MUC13: variants seen among roughly 807,000 people sequenced by gnomAD.
The protein encoded by MUC13 is mucin 13, cell surface associated.
Under a neutral mutation model 48.3 loss-of-function variants are expected in MUC13, and 32 were observed. That is an observed-to-expected ratio of 0.66 (90% CI 0.50 to 0.89). The LOEUF (loss-of-function observed/expected upper bound fraction) is 0.89. Among genes scored for constraint, MUC13 ranks in the 40% least tolerant of loss-of-function variants. The pLI is 0.00. For synonymous variants in MUC13, 199 were observed against 224.9 expected, an observed-to-expected ratio of 0.88 and a Z score of 1.03; for missense variants, 571 against 622.8, an observed-to-expected ratio of 0.92 and a Z score of 0.88.
At position 124,917,126 on chromosome 3, in the gene MUC13, G is replaced by GTCTCTC. The variant is rs138692223; in HGVS notation, c.801-652_801-647dup. Among the ~76,000 whole-genome samples, 87 of 149,822 alleles carry GTCTCTC rather than the reference G, an allele frequency of 5.8e-4. 1 individual carries two copies. The East Asian group carries it at 0.015, about 25-fold the overall frequency. On this transcript the variant is annotated intron_variant, in intron 5 of 11. Coordinates refer to ENST00000616727, the MANE Select transcript of MUC13 (RefSeq NM_033049.4). ...CTGCCATGAGCAAGACATTGTCACT[G>GTCTCTC]TCTCTCTCTCTCTCTCTCTAATCAG... is the stretch of plus-strand genomic sequence containing the variant.
At position 124,927,790 on chromosome 3, in the gene MUC13, C is replaced by A; in HGVS notation, c.256G>T (p.Ala86Ser). Residue 86 changes from alanine to serine, a missense_variant, in exon 2 of 12, where the codon GCT (alanine) becomes TCT (serine). Ala to Ser is a moderately conservative substitution (Grantham distance 99). Coordinates refer to ENST00000616727, the MANE Select transcript of MUC13 (RefSeq NM_033049.4). ...CTATGTGTACTAATTATGGGGGGAG[C>A]AGGTGTAGGAATTGTGGAGGAACTA... ...THSSSTIPTPAPPIISTHSSS... is the reference protein window; with the variant it reads ...THSSSTIPTPSPPIISTHSSS... 1 of 1,612,372 alleles carries A rather than the reference C, an allele frequency of 6.2e-7. No homozygotes were observed. The highest frequency in any genetic ancestry group is 8.5e-7 in the Non-Finnish European group (1 of 1,179,506).
rs1208039285 is a variant in MUC13 at position 124,927,981 on chromosome 3, C to A, written c.65G>T (p.Gly22Val). 9.0e-6 allele frequency: 14 copies of A among 1,548,132 alleles called. No individual in the cohort carries two copies. The highest frequency in any genetic ancestry group is 1.2e-5 in the Non-Finnish European group (14 of 1,149,714). ...LLSVNTATNQGNSADAVTTTE... is the reference protein window; with the variant it reads ...LLSVNTATNQVNSADAVTTTE... ...GGTTGTTACAGCATCAGCTGAGTTG[C>A]CTTGGTTGGTGGCTGGAGGAACAAA... Residue 22 changes from glycine to valine, a missense_variant, in exon 2 of 12, where the codon GGC becomes GTC. By Grantham distance (109) the Gly-to-Val change is moderately radical (BLOSUM62 -3). Coordinates refer to ENST00000616727, the MANE Select transcript of MUC13 (RefSeq NM_033049.4).
chr3:124,913,691 A>G lies in MUC13; in HGVS notation c.965-10T>C. The G allele has an allele frequency of 6.2e-7, 1 of 1,614,130 alleles. No individual in the cohort carries two copies. The highest frequency in any genetic ancestry group is 2.2e-5 in the East Asian group (1 of 44,886). On this transcript the variant is annotated splice_polypyrimidine_tract_variant and intron_variant, in intron 6 of 11. Transcript: ENST00000616727. ...TCACACCGAAGGGTCACTGAGAAGC[A>G]CAAATAGTTTAAAAATATATTCAGC...
At chr3:124,934,106 C>A (rs1205306983) in intron 1 of MUC13, among the ~76,000 whole-genome samples, 5 of 152,120 alleles carry the variant, frequency 3.3e-5, no homozygotes. Flanking sequence ...TCTTATCTGG[C>A]CTCAGGAACT....
intron 4 of MUC13, among the ~76,000 whole-genome samples, chr3:124,920,799 C>T (rs910782107): frequency 6.6e-6 from 1 of 152,220 alleles, no homozygotes; most frequent in Non-Finnish European, 1.5e-5. Flanking sequence ...GGAAGTAGGA[C>T]CACATTGATG....
At chr3:124,931,815 C>A (rs1394948597) in intron 1 of MUC13, among the ~76,000 whole-genome samples, 11 of 151,862 alleles carry the variant, frequency 7.2e-5, no homozygotes, top group Admixed American at 5.9e-4. Flanking sequence ...GAGGCCAAGG[C>A]GGGCGGATCA....
At chr3:124,917,629 A>T (rs1013096003) in intron 5 of MUC13, among the ~76,000 whole-genome samples, 2 of 152,090 alleles carry the variant, frequency 1.3e-5, no homozygotes, top group African/African-American at 4.8e-5. Flanking sequence ...CCAAAACATG[A>T]ATCAAATTCC....
chr3:124,920,915 T>C (rs1243627746), intron 4 of MUC13, among the ~76,000 whole-genome samples: 1 of 152,202 alleles, frequency 6.6e-6, no homozygotes, highest in Non-Finnish European at 1.5e-5. Flanking sequence ...AGAGGTGACA[T>C]GGCAAAGGGA....
In MUC13 at chr3:124,927,714, T is replaced by C. The variant is rs764538176; in HGVS notation, c.332A>G (p.Asn111Ser). The C allele has an allele frequency of 1.9e-6, 3 of 1,614,200 alleles. No individual in the cohort carries two copies. The South Asian group carries it at 3.3e-5, about 18-fold the overall frequency. The part of the protein sequence containing the change: ...PTAADSESTT[N>S]VNSLATSDII... ...GTCAGAGGTAGCTAATGAATTTACATTTGTGGTTGACTCACTGTCTGCAGC... is the reference window on the plus strand; with the variant it reads ...GTCAGAGGTAGCTAATGAATTTACACTTGTGGTTGACTCACTGTCTGCAGC... Residue 111 changes from asparagine (N) to serine (S), a missense_variant, in exon 2 of 12, where the codon AAT (asparagine) becomes AGT (serine). Transcript: ENST00000616727.
chr3:124,908,028 T>TAAGAAA (rs1451657747), intron 11 of MUC13, 119 bp downstream of exon 11: 7 of 951,662 alleles, frequency 7.4e-6, no homozygotes, highest in Admixed American at 2.9e-5. Flanking sequence ...CTCTTTCAAT[T>TAAGAAA]AAGAAAAAGA....
chr3:124,922,118 T>G, intron 4 of MUC13, 79 bp downstream of exon 4: 1 of 1,526,236 alleles, frequency 6.6e-7, no homozygotes, highest in Non-Finnish European at 8.8e-7. Context: ...GTGAACCACC[T>G]GAAGACCAGC....
At chr3:124,927,477 C>T (rs1313089229) in intron 2 of MUC13, 55 bp downstream of exon 2, 26 of 1,538,338 alleles carry the variant, frequency 1.7e-5, no homozygotes, top group Non-Finnish European at 2.3e-5. Context: ...CCACCTCCCT[C>T]CCTCCACAAT....
In MUC13 at chr3:124,923,003, CT is replaced by C. The variant is rs201709716; in HGVS notation, c.637+523del. Among the ~76,000 whole-genome samples, 934 of 150,570 alleles carry C rather than the reference CT, an allele frequency of 6.2e-3. 10 individuals carry two copies. The highest frequency in any genetic ancestry group is 0.021 in the African/African-American group (877 of 41,008). On this transcript the variant is annotated intron_variant, in intron 3 of 11. Coordinates refer to ENST00000616727, the MANE Select transcript of MUC13 (RefSeq NM_033049.4). ...GCTAAAAATATGAGCATTTGGGGGC[CT>C]TTTGGTATATCCCTAACCCCAGTGG...
chr3:124,932,361 T>C (rs1250926465), intron 1 of MUC13, among the ~76,000 whole-genome samples: 4 of 151,520 alleles, frequency 2.6e-5, no homozygotes, highest in Non-Finnish European at 4.4e-5. Context: ...AGGTCAAGAG[T>C]CTGAGACCAG....
chr3:124,919,775 C>A lies in MUC13; in HGVS notation c.800+459G>T, dbSNP rs555021094. On this transcript the variant is annotated intron_variant, in intron 5 of 11. Transcript: ENST00000616727. ...AAGTGCTTGTTCTCACTGCAGAAAG[C>A]TCACCACTGACCCTTCTCTAGCCAG... Among the ~76,000 whole-genome samples the A allele has an allele frequency of 3.3e-5, 5 of 152,264 alleles. No homozygotes were observed. The South Asian group carries it at 1.0e-3, about 32-fold the overall frequency.
chr3:124,908,677 T>C (rs1243306601), intron 10 of MUC13, among the ~76,000 whole-genome samples: 1 of 152,222 alleles, frequency 6.6e-6, no homozygotes, highest in African/African-American at 2.4e-5. Flanking sequence ...TTTAAGGTCA[T>C]GAGCTCTGTG....
At position 124,927,773 on chromosome 3, in the gene MUC13, AC is replaced by A. The variant is rs761726957; in HGVS notation, c.272del (p.Ser91IlefsTer22). On this transcript the variant is annotated frameshift_variant, in exon 2 of 12. Transcript: ENST00000616727. LOFTEE classifies it high-confidence loss of function. ...TAGGAATTGTGGAGGAACTATGTGT[AC>A]TAATTATGGGGGGAGCAGGTGTAGG... ...TIPTPAPPII[S>X]THSSSTIPIP... The A allele has an allele frequency of 1.2e-6, 2 of 1,606,696 alleles. No homozygotes were observed. The highest frequency in any genetic ancestry group is 1.7e-6 in the Non-Finnish European group (2 of 1,175,792).
chr3:124,908,915 A>G (rs1407040877), intron 10 of MUC13, among the ~76,000 whole-genome samples: 3 of 152,216 alleles, frequency 2.0e-5, no homozygotes, highest in Non-Finnish European at 4.4e-5. Context: ...GCACTCTGGG[A>G]GGCCGTGGTG....
rs374921077 is a variant in MUC13, at chr3:124,920,724, T to C, written c.745-435A>G. 2.0e-4 allele frequency among the ~76,000 whole-genome samples: 30 copies of C among 152,328 alleles called. No homozygotes were observed. In the East Asian group the frequency reaches 3.9e-3, roughly 20 times the overall value. On this transcript the variant is annotated intron_variant, in intron 4 of 11. Transcript: ENST00000616727. ...TGACACTCACACTCAAAGTCAAGTT[T>C]GGGGAAAGTAGTGCTAAGTGACCAT... is the stretch of plus-strand genomic sequence containing the variant.
Sources: allele counts gnomAD v4.1 joint callset (sites outside exome capture counted in the v4.1 genomes callset), GRCh38; gene constraint gnomAD v4.1.1; transcripts MANE v1.5; gene names NCBI Gene and HGNC (gene_info 2026-07-23, HGNC 2026-07-21).